The following RGS6 variants were observed in gnomAD, a reference collection of about 807,000 sequenced individuals.
RGS6 encodes regulator of G-protein signaling 6.
In RGS6, 30 loss-of-function variants were observed where a neutral mutation model predicts 78.5. The ratio of observed to expected loss-of-function variants is 0.38; its 90% confidence interval spans 0.29 to 0.52. RGS6 has a LOEUF of 0.52. RGS6 is among the 20% of genes least tolerant of loss of function. The probability of loss-of-function intolerance (pLI) is 0.85; values close to 1 mark genes in which losing one functional copy is unlikely to be tolerated. For synonymous variants in RGS6, 206 were observed against 206.0 expected, an observed-to-expected ratio of 1.00 and a Z score of 0.00; for missense variants, 495 against 609.7, an observed-to-expected ratio of 0.81 and a Z score of 1.98.
chr14:72,327,900 G>A (rs1258810623), intron 2 of RGS6, among the ~76,000 whole-genome samples: 2 of 151,516 alleles, frequency 1.3e-5, no homozygotes, highest in African/African-American at 4.9e-5. Flanking sequence ...TATAACAATA[G>A]GATATAGCCT....
chr14:71,915,246 G>T, the RGS6 span, among the ~76,000 whole-genome samples: 1 of 151,230 alleles, frequency 6.6e-6, no homozygotes, highest in Non-Finnish European at 1.5e-5. Flanking sequence ...GACAGAGTGA[G>T]ACTCCTTGTC....
intron 12 of RGS6, among the ~76,000 whole-genome samples, chr14:72,482,205 G>C (rs1265593664): frequency 6.6e-6 from 1 of 152,196 alleles, no homozygotes; most frequent in African/African-American, 2.4e-5. Flanking sequence ...AATTTTGCTA[G>C]ATGACTCAAG....
intron 17 of RGS6, among the ~76,000 whole-genome samples, chr14:72,557,406 G>A (rs546876082): frequency 1.3e-5 from 2 of 152,264 alleles, no homozygotes; most frequent in East Asian, 3.9e-4. Flanking sequence ...TTTGCTCAGT[G>A]GAGAAGGAGC....
At chr14:72,592,741 A>G in the RGS6 span, among the ~76,000 whole-genome samples, 3 of 152,188 alleles carry the variant, frequency 2.0e-5, no homozygotes, top group African/African-American at 7.2e-5. Context: ...GACTTCAAGG[A>G]GACACTCAGA....
At chr14:72,500,662 G>A (rs1372258516) in intron 13 of RGS6, among the ~76,000 whole-genome samples, 1 of 152,344 alleles carries the variant, frequency 6.6e-6, no homozygotes, top group South Asian at 2.1e-4. Flanking sequence ...TGGGGCAGAA[G>A]GTAAGGCCCT....
chr14:71,868,315 A>G, the RGS6 span, among the ~76,000 whole-genome samples: 1 of 152,130 alleles, frequency 6.6e-6, no homozygotes, highest in East Asian at 1.9e-4. Context: ...GATTTTGATA[A>G]CTGAAAGTGA....
intron 2 of RGS6, among the ~76,000 whole-genome samples, chr14:72,234,202 G>T (rs142369392): frequency 1.6e-3 from 236 of 152,042 alleles, no homozygotes; most frequent in African/African-American, 5.2e-3. Flanking sequence ...AAGCAGTTAA[G>T]ACAGGCTCAT....
At chr14:72,011,781 G>C (rs994355355) in intron 2 of RGS6, among the ~76,000 whole-genome samples, 2 of 152,186 alleles carry the variant, frequency 1.3e-5, no homozygotes, top group African/African-American at 4.8e-5. Context: ...TATCCTCTGG[G>C]GGGGTACTGG....
chr14:72,400,717 A>C (rs776606776), intron 3 of RGS6, among the ~76,000 whole-genome samples: 51 of 152,348 alleles, frequency 3.3e-4, no homozygotes, highest in Non-Finnish European at 6.0e-4. Flanking sequence ...GACTAGAGAG[A>C]TAGCCAGACT....
chr14:72,117,591 A>T (rs1409402236), intron 2 of RGS6, among the ~76,000 whole-genome samples: 1 of 152,146 alleles, frequency 6.6e-6, no homozygotes, highest in Non-Finnish European at 1.5e-5. Context: ...ATAACAATGC[A>T]AAAGGACTAA....
At chr14:72,361,218 A>G (rs2081394550) in intron 3 of RGS6, among the ~76,000 whole-genome samples, 1 of 150,912 alleles carries the variant, frequency 6.6e-6, no homozygotes, top group South Asian at 2.1e-4. Context: ...TTTTTTCCCC[A>G]TCCACATTTA....
At chr14:72,515,675 G>C (rs944550441) in intron 14 of RGS6, 1 of 152,226 alleles carries the variant, frequency 6.6e-6, no homozygotes, top group African/African-American at 2.4e-5. Context: ...CAAAAAAATT[G>C]ATTATGAAAT....
chr14:72,192,204 A>G (rs1380234118), intron 2 of RGS6, among the ~76,000 whole-genome samples: 3 of 152,214 alleles, frequency 2.0e-5, no homozygotes, highest in African/African-American at 7.2e-5. Context: ...ATCTGGAGAC[A>G]TGAAGTCATT....
intron 2 of RGS6, among the ~76,000 whole-genome samples, chr14:72,265,942 G>A (rs1231573472): frequency 7.0e-6 from 1 of 142,460 alleles, no homozygotes; most frequent in East Asian, 2.1e-4. Flanking sequence ...CTTTTTTGGG[G>A]GGGGGGGCGG....
At chr14:72,323,375 C>T (rs2072653914) in intron 2 of RGS6, among the ~76,000 whole-genome samples, 1 of 151,504 alleles carries the variant, frequency 6.6e-6, no homozygotes, top group Non-Finnish European at 1.5e-5. Context: ...AATGGAAAGG[C>T]ATACTCTGTT....
chr14:72,592,406 C>T, the RGS6 span, among the ~76,000 whole-genome samples: 5 of 152,228 alleles, frequency 3.3e-5, no homozygotes, highest in African/African-American at 9.6e-5. Flanking sequence ...CCTATCTCCA[C>T]CTGCAATTCC....
chr14:71,959,557 G>A (rs955195109), intron 1 of RGS6, among the ~76,000 whole-genome samples: 5 of 152,180 alleles, frequency 3.3e-5, no homozygotes, highest in African/African-American at 1.2e-4. Context: ...GCATTTAGTT[G>A]CAAGCCATGG....
At chr14:72,555,614 A>G (rs2097563263) in intron 17 of RGS6, among the ~76,000 whole-genome samples, 2 of 152,186 alleles carry the variant, frequency 1.3e-5, no homozygotes, top group Non-Finnish European at 2.9e-5. Flanking sequence ...TGAGAGTGAC[A>G]GCCATGTGCA....
At chr14:72,483,437 T>G (rs945163746) in intron 12 of RGS6, among the ~76,000 whole-genome samples, 18 of 152,146 alleles carry the variant, frequency 1.2e-4, no homozygotes, top group African/African-American at 4.3e-4. Flanking sequence ...TTGCCGCTGC[T>G]CCCTGAAATT....
Sources: allele counts gnomAD v4.1 joint callset (sites outside exome capture counted in the v4.1 genomes callset), GRCh38; gene constraint gnomAD v4.1.1; transcripts MANE v1.5; gene names NCBI Gene and HGNC (gene_info 2026-07-23, HGNC 2026-07-21).